The following PKD2L2 variants were observed in gnomAD, a reference collection of about 807,000 sequenced individuals.
The protein encoded by PKD2L2 is polycystin-2-like protein 2.
PKD2L2 carries 67 observed loss-of-function variants against 83.9 expected under a neutral mutation model. That is an observed-to-expected ratio of 0.80 (90% CI 0.66 to 0.98). PKD2L2 has a LOEUF of 0.98. PKD2L2 is among the 50% of genes least tolerant of loss of function. PKD2L2 has a pLI of 0.00. For missense variants in PKD2L2, 632 were observed against 717.2 expected (o/e 0.88, Z 1.36); for synonymous variants, 223 against 237.8 (o/e 0.94, Z 0.57).
At chr5:137,901,751 G>A (rs956569762) in intron 5 of PKD2L2, among the ~76,000 whole-genome samples, 6 of 152,160 alleles carry the variant, frequency 3.9e-5, no homozygotes, top group African/African-American at 1.4e-4. Context: ...GGACTTTTAA[G>A]GCTCATAACA....
At chr5:137,889,591 C>T in intron 1 of PKD2L2, 69 bp downstream of exon 1, 2 of 1,351,152 alleles carry the variant, frequency 1.5e-6, no homozygotes, top group Non-Finnish European at 2.0e-6. Context: ...CTGAAAGGAA[C>T]TCTGCGGCCC....
chr5:137,908,234 G>A (rs1230017943), intron 7 of PKD2L2, among the ~76,000 whole-genome samples: 3 of 151,882 alleles, frequency 2.0e-5, no homozygotes, highest in South Asian at 2.1e-4. Flanking sequence ...CCTTGAGCCC[G>A]TGAAGTGGAG....
intron 14 of PKD2L2, chr5:137,940,041 C>T (rs371273291): frequency 4.2e-5 from 68 of 1,612,952 alleles, no homozygotes; most frequent in Middle Eastern, 1.6e-4. Context: ...ACATCACTTA[C>T]GCTCCCTTGA....
Position 137,907,722 on chromosome 5 carries a change from C to A in PKD2L2, c.976-20C>A. ...GGTAGAGATATTCTCTAATTTAACCCTTCTTATTTTCCCATTTAGTTGTGT... is the reference window on the plus strand; with the variant it reads ...GGTAGAGATATTCTCTAATTTAACCATTCTTATTTTCCCATTTAGTTGTGT... On this transcript the variant is annotated intron_variant, in intron 6 of 14. Transcript: ENST00000508883. 1.4e-6 allele frequency: 2 copies of A among 1,400,926 alleles called. No homozygotes were observed. The highest frequency in any genetic ancestry group is 1.8e-5 in the South Asian group (1 of 56,768). The allele number at this position is 1,400,926 out of a possible 1,614,324, so 86.8% of individuals were successfully genotyped here.
intron 6 of PKD2L2, among the ~76,000 whole-genome samples, chr5:137,907,256 G>A (rs549914188): frequency 3.9e-5 from 6 of 152,136 alleles, no homozygotes; most frequent in Non-Finnish European, 8.8e-5. Context: ...GGCAAGAAAA[G>A]TCAAAGGAAA....
At chr5:137,914,402 T>TA (rs1431816659) in intron 8 of PKD2L2, among the ~76,000 whole-genome samples, 12 of 152,096 alleles carry the variant, frequency 7.9e-5, no homozygotes, top group East Asian at 7.7e-4. Context: ...TTCCAAAATC[T>TA]AAAAAAAATC....
chr5:137,915,962 C>G (rs562298860), intron 8 of PKD2L2, among the ~76,000 whole-genome samples: 1 of 151,904 alleles, frequency 6.6e-6, no homozygotes, highest in South Asian at 2.1e-4. Flanking sequence ...ATAATAAACT[C>G]CTTCAGTTTT....
intron 12 of PKD2L2, among the ~76,000 whole-genome samples, chr5:137,935,577 T>C (rs1320303197): frequency 7.9e-5 from 12 of 152,206 alleles, no homozygotes; most frequent in Non-Finnish European, 1.8e-4. Flanking sequence ...AAAGCTTCCC[T>C]AACTATGCTA....
intron 8 of PKD2L2, among the ~76,000 whole-genome samples, chr5:137,917,011 T>C (rs562570629): frequency 6.6e-6 from 1 of 152,264 alleles, no homozygotes; most frequent in South Asian, 2.1e-4. Flanking sequence ...AAATTCATAT[T>C]GTTCATCAAA....
chr5:137,893,342 A>G (rs950085930), intron 3 of PKD2L2, among the ~76,000 whole-genome samples: 1 of 152,194 alleles, frequency 6.6e-6, no homozygotes, highest in African/African-American at 2.4e-5. Context: ...TAAGGGAATC[A>G]TTCCTTCAGC....
At chr5:137,898,493 A>C (rs1161739754) in intron 4 of PKD2L2, among the ~76,000 whole-genome samples, 1 of 151,966 alleles carries the variant, frequency 6.6e-6, no homozygotes, top group Non-Finnish European at 1.5e-5. Flanking sequence ...CCTGTTAAAG[A>C]AAAAAAACAG....
At chr5:137,934,602 A>T (rs1581001805) in intron 12 of PKD2L2, among the ~76,000 whole-genome samples, 3 of 152,184 alleles carry the variant, frequency 2.0e-5, no homozygotes, top group Admixed American at 2.0e-4. Flanking sequence ...TGAGGCTGGG[A>T]GTTCAAGACC....
chr5:137,896,002 C>G (rs1195459633), intron 4 of PKD2L2, among the ~76,000 whole-genome samples: 1 of 151,668 alleles, frequency 6.6e-6, no homozygotes, highest in Non-Finnish European at 1.5e-5. Context: ...CATGGTGAAA[C>G]CCCATCTCTA....
At chr5:137,923,867 A>G (rs1759146390) in intron 10 of PKD2L2, among the ~76,000 whole-genome samples, 1 of 152,186 alleles carries the variant, frequency 6.6e-6, no homozygotes, top group South Asian at 2.1e-4. Flanking sequence ...GAATGCTGTT[A>G]AATTTCTATC....
chr5:137,902,873 T>C (rs1757080070), intron 5 of PKD2L2, among the ~76,000 whole-genome samples: 1 of 152,200 alleles, frequency 6.6e-6, no homozygotes, highest in Non-Finnish European at 1.5e-5. Context: ...ACTGCTGCTA[T>C]GTGACAGAAA....
At chr5:137,921,458 CTT>C (rs1758898642) in intron 8 of PKD2L2, among the ~76,000 whole-genome samples, 176 bp from the exon 9 acceptor site, 1 of 151,974 alleles carries the variant, frequency 6.6e-6, no homozygotes, top group Non-Finnish European at 1.5e-5. Flanking sequence ...TACCTTAAGT[CTT>C]TCCTTTAGGG....
At chr5:137,890,353 A>G in intron 1 of PKD2L2, 128 bp from the exon 2 acceptor site, 1 of 605,318 alleles carries the variant, frequency 1.7e-6, no homozygotes, top group South Asian at 2.2e-5. Context: ...AGAATTGAAA[A>G]ATAGCCAGAA....
chr5:137,942,640 G>T lies in PKD2L2; in HGVS notation c.*274G>T. ...AGCTTCAAAAACTGCTGGGATTATA[G>T]GCATGAGCCACTGTGCCTGGCTAGA... is the stretch of plus-strand genomic sequence containing the variant. On this transcript the variant is annotated 3_prime_UTR_variant, in exon 15 of 15. Coordinates refer to ENST00000508883, the MANE Select transcript of PKD2L2 (RefSeq NM_001300921.2). 1 of 455,938 alleles carries T rather than the reference G, an allele frequency of 2.2e-6. No individual in the cohort carries two copies. The highest frequency in any genetic ancestry group is 3.8e-6 in the Non-Finnish European group (1 of 262,668). The allele number at this position is 455,938 out of a possible 1,614,324, so 28.2% of individuals were successfully genotyped here. A position where few individuals can be genotyped will look rare whatever the true frequency, so the allele number is the denominator to read the frequency against.
chr5:137,894,981 G>C (rs1756319713), intron 4 of PKD2L2, among the ~76,000 whole-genome samples: 1 of 152,098 alleles, frequency 6.6e-6, no homozygotes, highest in Non-Finnish European at 1.5e-5. Context: ...GGGTGTCTTA[G>C]GTGTGCTCTG....
Sources: gnomAD v4.1 joint callset for allele counts (sites outside exome capture counted in the v4.1 genomes callset) on GRCh38, gnomAD v4.1.1 for gene constraint, MANE v1.5 for transcripts, NCBI Gene and HGNC (gene_info 2026-07-23, HGNC 2026-07-21) for gene names.